The following FRMPD2 variants were observed in gnomAD, a reference collection of about 807,000 sequenced individuals.
FRMPD2 encodes FERM and PDZ domain containing 2.
A neutral mutation model predicts 140.1 loss-of-function variants in FRMPD2; 96 were observed. The observed-to-expected ratio is 0.69, with a 90% CI of 0.58 to 0.81. The LOEUF (loss-of-function observed/expected upper bound fraction) is 0.81, where lower values mean the gene tolerates loss of function less well. FRMPD2 is among the 40% of genes least tolerant of loss of function. The probability of loss-of-function intolerance (pLI) is 0.00; values close to 1 mark genes in which losing one functional copy is unlikely to be tolerated. For missense variants in FRMPD2, 1,240 were observed against 1,447.4 expected (o/e 0.86, Z 2.32); for synonymous variants, 449 against 547.6 (o/e 0.82, Z 2.52).
chr10:48,211,504 C>T lies in FRMPD2; in HGVS notation c.1611+450G>A, dbSNP rs568556511. On this transcript the variant is annotated intron_variant, in intron 13 of 28. Transcript: ENST00000374201. The stretch of plus-strand genomic sequence containing the variant: ...CTGGAATGCTGATCTAAGATTTGTC[C>T]GGGCACAGTGGCTCCCACCTGTAGT... Among the ~76,000 whole-genome samples, 8 of 152,144 alleles carry T rather than the reference C, an allele frequency of 5.3e-5. No individual in the cohort carries two copies. The South Asian group carries it at 6.2e-4, about 12-fold the overall frequency.
intron 15 of FRMPD2, among the ~76,000 whole-genome samples, chr10:48,199,362 T>C (rs1019354342): frequency 1.3e-5 from 2 of 151,964 alleles, no homozygotes; most frequent in South Asian, 4.2e-4. Context: ...GTTTTTGAAT[T>C]TAGAAGCACA....
At chr10:48,182,097 C>T (rs1838566892) in intron 20 of FRMPD2, among the ~76,000 whole-genome samples, 1 of 152,040 alleles carries the variant, frequency 6.6e-6, no homozygotes. Context: ...AGTGCCCAAA[C>T]TCACATGCTG....
intron 28 of FRMPD2, among the ~76,000 whole-genome samples, chr10:48,158,229 C>G (rs1367451593): frequency 6.7e-6 from 1 of 148,830 alleles, no homozygotes; most frequent in Non-Finnish European, 1.5e-5. Flanking sequence ...TCCAGGGGGA[C>G]TTGGTGGTCC....
At chr10:48,210,721 G>A (rs530889484) in intron 13 of FRMPD2, among the ~76,000 whole-genome samples, 39 of 152,346 alleles carry the variant, frequency 2.6e-4, no homozygotes, top group Non-Finnish European at 4.0e-4. Flanking sequence ...CAAATGAAAC[G>A]CTTGCAGGCT....
At chr10:48,210,268 C>A (rs770133812) in intron 13 of FRMPD2, among the ~76,000 whole-genome samples, 2 of 152,142 alleles carry the variant, frequency 1.3e-5, no homozygotes, top group Non-Finnish European at 2.9e-5. Context: ...ACCAGTTTAC[C>A]AAGGGAAACT....
In FRMPD2 at chr10:48,184,909, A is replaced by G. The variant is rs756074578; in HGVS notation, c.2360-28T>C. The G allele has an allele frequency of 1.8e-5, 28 of 1,529,294 alleles. No individual in the cohort carries two copies. In the East Asian group the frequency reaches 5.0e-4, roughly 27 times the overall value. 94.7% of individuals were successfully genotyped at this position (1,529,294 alleles called of 1,614,324 possible). A position where few individuals can be genotyped will look rare whatever the true frequency, so the allele number is the denominator to read the frequency against. ...GTAATCCAAGATGATAGTCCATGAT[A>G]AGATGATACTTAGTGATTTTGCTGT... is the stretch of plus-strand genomic sequence containing the variant. On this transcript the variant is annotated intron_variant, in intron 18 of 28. Transcript: ENST00000374201.
At chr10:48,231,063 G>A (rs1438625761) in intron 10 of FRMPD2, among the ~76,000 whole-genome samples, 1 of 152,162 alleles carries the variant, frequency 6.6e-6, no homozygotes, top group East Asian at 1.9e-4. Flanking sequence ...CCTACTTGCT[G>A]GTCATTTCCC....
chr10:48,263,892 T>C (rs1361904778), intron 1 of FRMPD2, among the ~76,000 whole-genome samples: 6 of 152,058 alleles, frequency 3.9e-5, no homozygotes, highest in Non-Finnish European at 7.4e-5. Context: ...GATGCAAAAC[T>C]CTTCAAAATA....
intron 3 of FRMPD2, among the ~76,000 whole-genome samples, chr10:48,246,219 C>G (rs1375082837): frequency 6.6e-6 from 1 of 152,208 alleles, no homozygotes; most frequent in African/African-American, 2.4e-5. Flanking sequence ...GGTCTTCCCA[C>G]ACGGTTAGCA....
Position 48,182,805 on chromosome 10 carries a change from T to C in FRMPD2, c.2584+1761A>G, listed in dbSNP as rs116494439. Among the ~76,000 whole-genome samples the C allele has an allele frequency of 6.4e-3, 978 of 152,362 alleles. 5 individuals are homozygous for C. Among genetic ancestry groups the C allele is most frequent in the African/African-American group, 0.022 (901 of 41,582 alleles). ...AGGCCATCCTTGGACTATGCTGAAT[T>C]GTGATTTGGTCACCTGCATTGTGTT... On this transcript the variant is annotated intron_variant, in intron 20 of 28. Coordinates refer to ENST00000374201, the MANE Select transcript of FRMPD2 (RefSeq NM_001018071.4).
At chr10:48,225,308 A>G (rs1044418023) in intron 10 of FRMPD2, among the ~76,000 whole-genome samples, 2 of 152,242 alleles carry the variant, frequency 1.3e-5, no homozygotes, top group South Asian at 4.1e-4. Context: ...GCACTCATGC[A>G]TATGCCTATA....
At position 48,249,130 on chromosome 10, in the gene FRMPD2, G is replaced by T; in HGVS notation, c.200C>A (p.Ala67Asp). ...VCPWSALLSA[A>D]GSLSFQGRVS... ...ACGGCCTTGGAAAGAAAGGCTTCCA[G>T]CTGCAGAAAGCAGGGCTGACCAGGG... Residue 67 changes from alanine (A) to aspartate (D), a missense_variant, in exon 3 of 29, where the codon GCT becomes GAT. Transcript: ENST00000374201. 1.9e-6 allele frequency: 3 copies of T among 1,614,156 alleles called. No individual in the cohort carries two copies. The highest frequency in any genetic ancestry group is 2.5e-6 in the Non-Finnish European group (3 of 1,180,024).
intron 25 of FRMPD2, 103 bp downstream of exon 25, chr10:48,172,843 A>G: frequency 2.4e-6 from 2 of 826,856 alleles, no homozygotes; most frequent in Admixed American, 3.9e-5. Context: ...CTTTCTTTTC[A>G]GGACCCAGAG....
At chr10:48,207,801 C>T (rs1006779080) in intron 13 of FRMPD2, among the ~76,000 whole-genome samples, 3 of 152,014 alleles carry the variant, frequency 2.0e-5, no homozygotes, top group Admixed American at 2.0e-4. Context: ...CCATTCCTAC[C>T]CCCAACCAGA....
chr10:48,172,406 G>A (rs1254291618), intron 25 of FRMPD2, among the ~76,000 whole-genome samples: 4 of 151,888 alleles, frequency 2.6e-5, no homozygotes, highest in East Asian at 1.9e-4. Flanking sequence ...GGAAATCAGC[G>A]TGTTCCTGGC....
At position 48,172,858 on chromosome 10, in the gene FRMPD2, C is replaced by T. The variant is rs199609398; in HGVS notation, c.3223+88G>A. The T allele has an allele frequency of 1.3e-3, 1,003 of 797,146 alleles. 12 individuals are homozygous for T. The East Asian group carries it at 0.023, about 18-fold the overall frequency. 49.4% of individuals were successfully genotyped at this position (797,146 alleles called of 1,614,324 possible). On this transcript the variant is annotated intron_variant, in intron 25 of 28. Transcript: ENST00000374201. ...CTTTCTTTTCAGGACCCAGAGGAAGCCTTCCTGCCTTTCCCTTTTGACTTG... is the reference window on the plus strand; with the variant it reads ...CTTTCTTTTCAGGACCCAGAGGAAGTCTTCCTGCCTTTCCCTTTTGACTTG...
intron 9 of FRMPD2, among the ~76,000 whole-genome samples, chr10:48,234,941 T>A (rs1839934449): frequency 6.6e-6 from 1 of 151,946 alleles, no homozygotes; most frequent in South Asian, 2.1e-4. Context: ...ACCCGGTGGG[T>A]AGAGGAGTCT....
At chr10:48,252,505 G>C (rs1391783889) in intron 1 of FRMPD2, among the ~76,000 whole-genome samples, 1 of 152,080 alleles carries the variant, frequency 6.6e-6, no homozygotes, top group Non-Finnish European at 1.5e-5. Flanking sequence ...GCAGTGTCGG[G>C]CGCTAGATGG....
chr10:48,241,569 C>T (rs551655256), intron 5 of FRMPD2, among the ~76,000 whole-genome samples: 1 of 152,312 alleles, frequency 6.6e-6, no homozygotes, highest in Non-Finnish European at 1.5e-5. Flanking sequence ...GGAACATTTC[C>T]CCAGTAAATA....
Sources: allele counts gnomAD v4.1 joint callset (sites outside exome capture counted in the v4.1 genomes callset), GRCh38; gene constraint gnomAD v4.1.1; transcripts MANE v1.5; gene names NCBI Gene and HGNC (gene_info 2026-07-23, HGNC 2026-07-21).